Variants in AZIN1 observed in about 807,000 individuals in gnomAD.
The protein encoded by AZIN1 is antizyme inhibitor 1, also known as ornithine decarboxylase antizyme inhibitor.
AZIN1 carries 12 observed loss-of-function variants against 47.4 expected under a neutral mutation model. The ratio of observed to expected loss-of-function variants is 0.25; its 90% CI spans 0.16 to 0.41. The LOEUF is 0.41. Among genes scored for constraint, AZIN1 ranks in the 10% least tolerant of loss-of-function variants. The pLI is 1.00. For synonymous variants in AZIN1, 155 were observed against 176.3 expected, an observed-to-expected ratio of 0.88 and a Z score of 0.96; for missense variants, 410 against 532.4, an observed-to-expected ratio of 0.77 and a Z score of 2.26.
At chr8:102,834,532 T>C in intron 7 of AZIN1, 134 bp downstream of exon 7, 1 of 698,208 alleles carries the variant, frequency 1.4e-6, no homozygotes, top group Non-Finnish European at 2.4e-6. Context: ...CTCTGAATGC[T>C]TATATAATAA....
At position 102,829,322 on chromosome 8, in the gene AZIN1, A is replaced by C; in HGVS notation, c.1185T>G (p.Phe395Leu). The C allele has an allele frequency of 6.2e-7, 1 of 1,614,002 alleles. No homozygotes were observed. The highest frequency in any genetic ancestry group is 8.5e-7 in the Non-Finnish European group (1 of 1,179,890). The change falls in exon 11 of 12, where the codon TTT becomes TTG. Residue 395 changes from phenylalanine (F) to leucine (L), a missense_variant. Physicochemically the swap from Phe to Leu is conservative, Grantham distance 22 (BLOSUM62 0). Around this residue, in one of 3 missense-constraint regions of AZIN1, gnomAD observed 168 missense variants for 198.3 expected, o/e 0.85. Transcript: ENST00000337198. ...AAATGGCTGGCCTCTGAAAATCATT[A>C]AAAGCAGATGGTTCATGGAAAGAAT... The part of the protein sequence containing the change: ...GADSFHEPSA[F>L]NDFQRPAIYY...
At chr8:102,828,818 G>A in intron 11 of AZIN1, 140 bp from the exon 12 acceptor site, 1 of 599,988 alleles carries the variant, frequency 1.7e-6, no homozygotes, top group East Asian at 2.8e-5. Flanking sequence ...TGATAGTCAT[G>A]CACTGCAGAG....
At chr8:102,858,260 T>C (rs1028332488) in intron 1 of AZIN1, 110 bp from the exon 2 acceptor site, 5 of 394,424 alleles carry the variant, frequency 1.3e-5, no homozygotes, top group Non-Finnish European at 1.3e-5. Context: ...CAATGTTTCA[T>C]TAAAGTCACA....
chr8:102,840,518 A>AT (rs964784571), intron 3 of AZIN1, among the ~76,000 whole-genome samples: 1 of 152,226 alleles, frequency 6.6e-6, no homozygotes, highest in Non-Finnish European at 1.5e-5. Context: ...CCAGGAAACC[A>AT]TTTTTAAAAA....
intron 3 of AZIN1, among the ~76,000 whole-genome samples, chr8:102,840,511 G>A (rs1016390369): frequency 2.6e-5 from 4 of 152,054 alleles, no homozygotes; most frequent in African/African-American, 9.7e-5. Flanking sequence ...TGACCAACCA[G>A]GAAACCATTT....
At chr8:102,831,553 G>A (rs150166377) in intron 9 of AZIN1, among the ~76,000 whole-genome samples, 2,038 of 148,180 alleles carry the variant, frequency 0.014, 49 homozygotes, top group African/African-American at 0.046. Flanking sequence ...TGAGGCAGGA[G>A]AATTGCTTGA....
At chr8:102,844,333 T>C (rs1203666033) in intron 2 of AZIN1, among the ~76,000 whole-genome samples, 1 of 145,828 alleles carries the variant, frequency 6.9e-6, no homozygotes, top group Non-Finnish European at 1.5e-5. Context: ...ATAGCAAGAC[T>C]CCGTCTCTCC....
chr8:102,861,608 C>A (rs1042572415), intron 1 of AZIN1, among the ~76,000 whole-genome samples: 1 of 152,068 alleles, frequency 6.6e-6, no homozygotes. Context: ...TACTGATAAT[C>A]TACAGATAAA....
At chr8:102,850,528 G>A (rs1241938268) in intron 2 of AZIN1, among the ~76,000 whole-genome samples, 1 of 152,148 alleles carries the variant, frequency 6.6e-6, no homozygotes, top group East Asian at 1.9e-4. Context: ...GAGACCTTGA[G>A]TAGGTCTGAA....
intron 1 of AZIN1, among the ~76,000 whole-genome samples, chr8:102,861,896 G>A (rs1813686533): frequency 6.6e-6 from 1 of 151,968 alleles, no homozygotes; most frequent in Non-Finnish European, 1.5e-5. Context: ...AAAATTAGCT[G>A]GGCGTGGTGG....
Position 102,839,016 on chromosome 8 carries a change from G to T in AZIN1, c.277-100C>A, listed in dbSNP as rs139291521. Reference sequence around the variant, plus strand: ...TACCCCCACCCCTTTTAAAACCAGGGTCTCACTCTTTGTATTCCAGGCTGA... The same window carrying T: ...TACCCCCACCCCTTTTAAAACCAGGTTCTCACTCTTTGTATTCCAGGCTGA... On this transcript the variant is annotated intron_variant, in intron 4 of 11. Coordinates refer to ENST00000337198, the MANE Select transcript of AZIN1 (RefSeq NM_148174.4). 6.8e-4 allele frequency: 729 copies of T among 1,071,176 alleles called. 6 individuals carry two copies. The African/African-American group carries it at 9.5e-3, about 14-fold the overall frequency. The allele number at this position is 1,071,176 out of a possible 1,614,324, so 66.4% of individuals were successfully genotyped here.
chr8:102,840,819 GA>G (rs2131227057), intron 3 of AZIN1, among the ~76,000 whole-genome samples: 1 of 152,326 alleles, frequency 6.6e-6, no homozygotes, highest in African/African-American at 2.4e-5. Context: ...AATGTCATTA[GA>G]ATATAGTGCC....
chr8:102,829,589 G>A lies in AZIN1; in HGVS notation c.1021-103C>T, dbSNP rs1811307340. On this transcript the variant is annotated intron_variant, in intron 10 of 11. Coordinates refer to ENST00000337198, the MANE Select transcript of AZIN1 (RefSeq NM_148174.4). Reference sequence around the variant, plus strand: ...ACTGTCTCAGATCCAATGTGCTCATGGAAAAAAGGCCTAGAGCCAAGGGCA... The same window carrying A: ...ACTGTCTCAGATCCAATGTGCTCATAGAAAAAAGGCCTAGAGCCAAGGGCA... 4 of 1,154,402 alleles carry A rather than the reference G, an allele frequency of 3.5e-6. No individual in the cohort carries two copies. In the South Asian group the frequency reaches 5.9e-5, roughly 17 times the overall value. The allele number at this position is 1,154,402 out of a possible 1,614,324, so 71.5% of individuals were successfully genotyped here.
rs1433805617 is a variant in AZIN1 at position 102,827,831 on chromosome 8, CCAAA to C, written c.*732_*735del. 1 of 152,530 alleles carries C rather than the reference CCAAA, an allele frequency of 6.6e-6. No homozygotes were observed. Among genetic ancestry groups the C allele is most frequent in the East Asian group, 1.9e-4 (1 of 5,202 alleles). The allele number at this position is 152,530 out of a possible 1,614,324, so 9.4% of individuals were successfully genotyped here. On this transcript the variant is annotated 3_prime_UTR_variant, in exon 12 of 12. Coordinates refer to ENST00000337198, the MANE Select transcript of AZIN1 (RefSeq NM_148174.4). The stretch of plus-strand genomic sequence containing the variant: ...TGAATCTGAACTTCACAATGATTTA[CCAAA>C]CACTTTACTTAAATTACTAATTAAA...
rs1231687249 is a variant in AZIN1, at chr8:102,855,738, T to C, written c.-96+2275A>G. 3 of 152,228 alleles carry C rather than the reference T, an allele frequency of 2.0e-5. No homozygotes were observed. The South Asian group carries it at 6.2e-4, about 32-fold the overall frequency. The allele number at this position is 152,228 out of a possible 1,614,324, so 9.4% of individuals were successfully genotyped here. A position where few individuals can be genotyped will look rare whatever the true frequency, so the allele number is the denominator to read the frequency against. The stretch of plus-strand genomic sequence containing the variant: ...TCCTTTTAATGGTTTTCAAATAATA[T>C]TGTTGATCTACAGAAAATTAACCCC... On this transcript the variant is annotated intron_variant, in intron 2 of 11. Transcript: ENST00000337198.
At chr8:102,852,772 G>A (rs1001057304) in intron 2 of AZIN1, among the ~76,000 whole-genome samples, 1 of 152,212 alleles carries the variant, frequency 6.6e-6, no homozygotes, top group East Asian at 1.9e-4. Context: ...ACGAAAAGGA[G>A]AGCTAAATAT....
intron 2 of AZIN1, 25 bp from the exon 3 acceptor site, chr8:102,843,772 A>T: frequency 7.0e-7 from 1 of 1,427,056 alleles, no homozygotes; most frequent in Non-Finnish European, 9.2e-7. Context: ...GTTATATAAA[A>T]GTCTGTATTA....
intron 9 of AZIN1, among the ~76,000 whole-genome samples, chr8:102,830,699 G>A (rs963115260): frequency 4.0e-5 from 6 of 150,262 alleles, no homozygotes; most frequent in Admixed American, 6.6e-5. Context: ...GCTCTACATC[G>A]TTAGTCATCA....
chr8:102,837,292 G>C (rs558077757), intron 5 of AZIN1, among the ~76,000 whole-genome samples: 4 of 152,228 alleles, frequency 2.6e-5, no homozygotes, highest in Admixed American at 2.6e-4. Context: ...AAATCTATTT[G>C]GTATTTCCTT....
Sources: gnomAD v4.1 joint callset for allele counts (sites outside exome capture counted in the v4.1 genomes callset) on GRCh38, gnomAD v4.1.1 for gene constraint, gnomAD v4.1.1 regional missense constraint, MANE v1.5 for transcripts, NCBI Gene and HGNC (gene_info 2026-07-23, HGNC 2026-07-21) for gene names.